KIAA1217: variants seen among roughly 807,000 people sequenced by gnomAD.
The protein encoded by KIAA1217 is sickle tail protein homolog.
KIAA1217 carries 88 observed loss-of-function variants against 163.9 expected under a neutral mutation model. The observed-to-expected ratio is 0.54, with a 90% CI of 0.45 to 0.64. The LOEUF is 0.64. Ranked by LOEUF, KIAA1217 falls within the 30% of genes least tolerant of loss-of-function variation. The pLI, the probability that KIAA1217 is intolerant of heterozygous loss-of-function variation, is 0.00. For missense variants in KIAA1217, 2,372 were observed against 2,475.0 expected (o/e 0.96, Z 0.88); for synonymous variants, 903 against 923.1 (o/e 0.98, Z 0.39).
intron 6 of KIAA1217, among the ~76,000 whole-genome samples, chr10:24,475,977 G>T (rs963506431): frequency 2.6e-5 from 4 of 152,136 alleles, no homozygotes; most frequent in African/African-American, 9.7e-5. Context: ...ATATAATGTT[G>T]AGAGCCAGAA....
intron 2 of KIAA1217, among the ~76,000 whole-genome samples, chr10:24,374,365 G>A (rs1206323635): frequency 6.6e-6 from 1 of 152,134 alleles, no homozygotes; most frequent in Non-Finnish European, 1.5e-5. Flanking sequence ...CTCACATCCA[G>A]CATCCAGATG....
intron 2 of KIAA1217, among the ~76,000 whole-genome samples, chr10:24,117,197 C>T (rs914659816): frequency 2.0e-5 from 3 of 151,966 alleles, no homozygotes; most frequent in African/African-American, 7.2e-5. Flanking sequence ...ACCACCATGC[C>T]CGGCTAATTT....
At chr10:24,331,663 A>G (rs2045687671) in intron 2 of KIAA1217, among the ~76,000 whole-genome samples, 1 of 152,264 alleles carries the variant, frequency 6.6e-6, no homozygotes, top group South Asian at 2.1e-4. Flanking sequence ...AAGGACAAAC[A>G]GCAGCTTCAA....
At chr10:24,099,055 G>A (rs117895455) in intron 2 of KIAA1217, among the ~76,000 whole-genome samples, 3,917 of 152,146 alleles carry the variant, frequency 0.026, 72 homozygotes, top group Middle Eastern at 0.078. Context: ...AAGCCATCAG[G>A]CACCCTCTCT....
intron 5 of KIAA1217, among the ~76,000 whole-genome samples, chr10:24,439,873 C>T (rs146454836): frequency 1.3e-5 from 2 of 152,300 alleles, no homozygotes; most frequent in African/African-American, 4.8e-5. Context: ...GACTGGCAAT[C>T]TTGACTCCCC....
At chr10:23,792,523 G>GCT (rs1836002601) in intron 1 of KIAA1217, among the ~76,000 whole-genome samples, 1 of 150,712 alleles carries the variant, frequency 6.6e-6, no homozygotes, top group Non-Finnish European at 1.5e-5. Context: ...ATGGAGTCTC[G>GCT]CTCTGTCATC....
chr10:24,242,474 A>T (rs2073221847), intron 2 of KIAA1217, among the ~76,000 whole-genome samples: 1 of 152,014 alleles, frequency 6.6e-6, no homozygotes, highest in Non-Finnish European at 1.5e-5. Flanking sequence ...CATGTACCAC[A>T]TTTTCTTTAT....
At chr10:23,752,969 G>A (rs1193804731) in intron 1 of KIAA1217, among the ~76,000 whole-genome samples, 1 of 152,192 alleles carries the variant, frequency 6.6e-6, no homozygotes, top group South Asian at 2.1e-4. Context: ...GCACAAAGAA[G>A]TTAAGTGCCT....
intron 2 of KIAA1217, among the ~76,000 whole-genome samples, chr10:24,353,411 C>T (rs919501435): frequency 6.6e-6 from 1 of 151,996 alleles, no homozygotes; most frequent in African/African-American, 2.4e-5. Flanking sequence ...CAGGAAGCTC[C>T]GCGGTACCTT....
intron 3 of KIAA1217, among the ~76,000 whole-genome samples, chr10:24,385,351 A>C (rs2053867309): frequency 6.6e-6 from 1 of 152,218 alleles, no homozygotes; most frequent in African/African-American, 2.4e-5. Context: ...TGGTGTTAAA[A>C]GACATGCAAG....
chr10:24,188,998 C>G (rs1194924334), intron 2 of KIAA1217, among the ~76,000 whole-genome samples: 4 of 150,780 alleles, frequency 2.7e-5, no homozygotes, highest in African/African-American at 9.8e-5. Context: ...CCCAGCTACT[C>G]TGGTAGCTGA....
intron 2 of KIAA1217, among the ~76,000 whole-genome samples, chr10:24,363,925 A>G (rs1236262147): frequency 6.6e-6 from 1 of 151,176 alleles, no homozygotes; most frequent in Non-Finnish European, 1.5e-5. Context: ...ACTGATTATC[A>G]TTAGCATAGA....
chr10:24,298,061 A>G (rs1029245323), intron 2 of KIAA1217, among the ~76,000 whole-genome samples: 3 of 152,166 alleles, frequency 2.0e-5, no homozygotes, highest in Non-Finnish European at 2.9e-5. Flanking sequence ...ATATTTTTAT[A>G]TAAACAAAAA....
intron 1 of KIAA1217, among the ~76,000 whole-genome samples, chr10:23,736,711 A>G (rs772835743): frequency 4.6e-5 from 7 of 152,074 alleles, no homozygotes; most frequent in Non-Finnish European, 1.0e-4. Context: ...ATTTTCGTAG[A>G]GATGGAGTCT....
intron 3 of KIAA1217, among the ~76,000 whole-genome samples, chr10:24,392,732 GGAT>G (rs2055151946): frequency 6.6e-6 from 1 of 152,150 alleles, no homozygotes; most frequent in Non-Finnish European, 1.5e-5. Flanking sequence ...GGAAATTTAT[GGAT>G]TCAGATGCTG....
At position 24,474,003 on chromosome 10, in the gene KIAA1217, T is replaced by C. The variant is rs1460296851; in HGVS notation, c.1622T>C (p.Met541Thr). The C allele has an allele frequency of 6.2e-7, 1 of 1,612,570 alleles. No individual in the cohort carries two copies. The highest frequency in any genetic ancestry group is 8.5e-7 in the Non-Finnish European group (1 of 1,179,048). The change falls in exon 6 of 21, where the codon ATG (methionine) becomes ACG (threonine). Residue 541 changes from methionine to threonine, a missense_variant. Met to Thr is a moderately conservative substitution (Grantham distance 81, BLOSUM62 -1). Around this residue, in one of 3 missense-constraint regions of KIAA1217, gnomAD observed 1,431 missense variants for 1,470.3 expected, o/e 0.97. Transcript: ENST00000376454. ...CTTGTAGACCTCGGCCCTCCTCTAA[T>C]GGAGAAGCAAGTTTTTGCCTACAGC... ...SSLVDLGPPL[M>T]EKQVFAYSTA...
intron 1 of KIAA1217, among the ~76,000 whole-genome samples, chr10:23,836,887 C>A (rs1838482868): frequency 6.9e-6 from 1 of 144,624 alleles, no homozygotes; most frequent in East Asian, 2.2e-4. Flanking sequence ...CGTGTCACTG[C>A]ACTCTAGCCT....
chr10:23,930,232 G>T (rs997044382), intron 1 of KIAA1217, among the ~76,000 whole-genome samples: 21 of 151,444 alleles, frequency 1.4e-4, no homozygotes, highest in Non-Finnish European at 8.8e-5. Flanking sequence ...TTTTAAATGG[G>T]GTTATTTGGT....
chr10:24,009,266 T>C (rs1024557548), intron 2 of KIAA1217, among the ~76,000 whole-genome samples: 1 of 152,136 alleles, frequency 6.6e-6, no homozygotes, highest in Non-Finnish European at 1.5e-5. Flanking sequence ...CATTATCACA[T>C]GGAATGTGGT....
Sources: allele counts gnomAD v4.1 joint callset (sites outside exome capture counted in the v4.1 genomes callset), GRCh38; gene constraint gnomAD v4.1.1; regional missense constraint gnomAD v4.1.1; transcripts MANE v1.5; gene names NCBI Gene and HGNC (gene_info 2026-07-23, HGNC 2026-07-21).